The following GRB2 variants were observed in gnomAD, a reference collection of about 807,000 sequenced individuals.
The protein encoded by GRB2 is growth factor receptor bound protein 2.
A neutral mutation model predicts 27.4 loss-of-function variants in GRB2; 2 were observed. The observed-to-expected ratio is 0.07, with a 90% CI of 0.03 to 0.23. The LOEUF is 0.23. GRB2 is among the 10% of genes least tolerant of loss of function. The pLI is 1.00. For missense variants in GRB2, 102 were observed against 282.4 expected (o/e 0.36, Z 4.58); for synonymous variants, 94 against 99.6 (o/e 0.94, Z 0.33).
intron 2 of GRB2, among the ~76,000 whole-genome samples, chr17:75,382,925 G>A (rs1393857496): frequency 9.2e-5 from 14 of 152,104 alleles, no homozygotes; most frequent in Non-Finnish European, 2.1e-4. Flanking sequence ...TAGCCAGGAT[G>A]GTCTCGATCT....
rs1458570991 is a variant in GRB2, at chr17:75,319,478, GCT to G, written c.*888_*889del. On this transcript the variant is annotated 3_prime_UTR_variant, in exon 6 of 6. Transcript: ENST00000316804. ...TTTTTTTTTTTTGAGACGGAATCTC[GCT>G]CTGTCACCCAGGCTGGAGTACAATG... 2.8e-5 allele frequency: 4 copies of G among 140,788 alleles called. No homozygotes were observed. In the East Asian group the frequency reaches 6.1e-4, roughly 21 times the overall value. The allele number at this position is 140,788 out of a possible 1,614,324, so 8.7% of individuals were successfully genotyped here.
intron 2 of GRB2, among the ~76,000 whole-genome samples, chr17:75,343,046 T>C (rs2078631453): frequency 3.7e-4 from 1 of 2,696 alleles, no homozygotes; most frequent in South Asian, 8.1e-3. Flanking sequence ...AGAAACCTTG[T>C]CTCAAAAAAA....
intron 2 of GRB2, among the ~76,000 whole-genome samples, chr17:75,361,177 C>G (rs1461812846): frequency 6.6e-6 from 1 of 152,136 alleles, no homozygotes; most frequent in Non-Finnish European, 1.5e-5. Context: ...TACAGATGAA[C>G]AAACCAGAGC....
At chr17:75,328,771 T>C (rs576941958) in intron 3 of GRB2, among the ~76,000 whole-genome samples, 1 of 151,846 alleles carries the variant, frequency 6.6e-6, no homozygotes, top group South Asian at 2.1e-4. Flanking sequence ...ACCCTGTCTT[T>C]ACTAAAAATA....
At chr17:75,389,927 G>GT (rs1344192146) in intron 2 of GRB2, among the ~76,000 whole-genome samples, 1 of 152,120 alleles carries the variant, frequency 6.6e-6, no homozygotes, top group Non-Finnish European at 1.5e-5. Context: ...ATCTTGTACT[G>GT]TTTCACATAT....
rs1399570171 is a variant in GRB2, at chr17:75,322,075, G to GT, written c.300-249dup. Among the ~76,000 whole-genome samples, 10 of 152,074 alleles carry GT rather than the reference G, an allele frequency of 6.6e-5. 1 individual carries two copies. The highest frequency in any genetic ancestry group is 2.4e-4 in the African/African-American group (10 of 41,416). Reference sequence around the variant, plus strand: ...AGTCATTCTCATTCTGAAGATGTTTGTAAGATAAAGAGTCCAGGCCGGGTG... The same window carrying GT: ...AGTCATTCTCATTCTGAAGATGTTTGTTAAGATAAAGAGTCCAGGCCGGGTG... On this transcript the variant is annotated intron_variant, in intron 4 of 5. Coordinates refer to ENST00000316804, the MANE Select transcript of GRB2 (RefSeq NM_002086.5).
chr17:75,403,947 C>A lies in GRB2; in HGVS notation c.-138+1542G>T, dbSNP rs533770502. On this transcript the variant is annotated intron_variant, in intron 1 of 5. Transcript: ENST00000316804. The stretch of plus-strand genomic sequence containing the variant: ...TGGGCAACACAGTGAAACCCCATCT[C>A]TACTAAAAATACAAAATTCGCTGGA... Among the ~76,000 whole-genome samples the A allele has an allele frequency of 5.4e-4, 82 of 151,662 alleles. 1 individual carries two copies. The highest frequency in any genetic ancestry group is 1.9e-3 in the African/African-American group (79 of 41,270).
chr17:75,388,589 G>GGGGC (rs1055606198), intron 2 of GRB2, among the ~76,000 whole-genome samples: 1 of 145,196 alleles, frequency 6.9e-6, no homozygotes, highest in African/African-American at 2.5e-5. Flanking sequence ...ATAGTGGGGG[G>GGGGC]GGGGAAGAAA....
chr17:75,375,747 C>T (rs370706154), intron 2 of GRB2, among the ~76,000 whole-genome samples: 4 of 151,988 alleles, frequency 2.6e-5, no homozygotes, highest in East Asian at 1.9e-4. Context: ...GGGGACTGGC[C>T]GGGCGCAGTG....
chr17:75,402,702 T>A (rs575353491), intron 1 of GRB2, among the ~76,000 whole-genome samples: 1 of 152,334 alleles, frequency 6.6e-6, no homozygotes, highest in South Asian at 2.1e-4. Context: ...AAATAACTGC[T>A]ATACCATAAG....
intron 2 of GRB2, 33 bp from the exon 3 acceptor site, chr17:75,332,830 T>C: frequency 1.5e-6 from 2 of 1,334,388 alleles, no homozygotes. Context: ...AAAAACCCAA[T>C]CATTTCCTTT....
At chr17:75,345,448 G>A (rs962740620) in intron 2 of GRB2, among the ~76,000 whole-genome samples, 2 of 152,114 alleles carry the variant, frequency 1.3e-5, no homozygotes, top group South Asian at 2.1e-4. Context: ...CACCTCAGAG[G>A]ATGTTATTGA....
chr17:75,354,845 G>A (rs1454692736), intron 2 of GRB2, among the ~76,000 whole-genome samples: 5 of 152,344 alleles, frequency 3.3e-5, no homozygotes, highest in African/African-American at 2.4e-5. Context: ...TAGGAAGGGC[G>A]CACTGAGAAC....
rs181959081 is a variant in GRB2, at chr17:75,337,809, G to A, written c.79-5012C>T. Among the ~76,000 whole-genome samples, 1,240 of 149,846 alleles carry A rather than the reference G, an allele frequency of 8.3e-3. 23 individuals carry two copies. Among genetic ancestry groups the A allele is most frequent in the African/African-American group, 0.029 (1,178 of 40,984 alleles). On this transcript the variant is annotated intron_variant, in intron 2 of 5. Coordinates refer to ENST00000316804, the MANE Select transcript of GRB2 (RefSeq NM_002086.5). ...CGGTCTTGATCTGACCTCGTGATCC[G>A]CCTGCCTCGGCCTCCAAAAGTGCTG...
chr17:75,343,703 C>T (rs779282087), intron 2 of GRB2, among the ~76,000 whole-genome samples: 4 of 152,128 alleles, frequency 2.6e-5, no homozygotes, highest in Non-Finnish European at 5.9e-5. Flanking sequence ...AAATAAACTT[C>T]TACCAAAGGG....
At chr17:75,383,563 G>A (rs1257099965) in intron 2 of GRB2, among the ~76,000 whole-genome samples, 1 of 152,160 alleles carries the variant, frequency 6.6e-6, no homozygotes, top group East Asian at 1.9e-4. Flanking sequence ...CACCAACATA[G>A]GCTGGGCGGG....
intron 4 of GRB2, among the ~76,000 whole-genome samples, chr17:75,323,737 T>C (rs1430138393): frequency 1.3e-5 from 2 of 152,088 alleles, no homozygotes; most frequent in African/African-American, 2.4e-5. Context: ...CCTCATCTTA[T>C]AAGGTTTCAG....
At chr17:75,338,592 G>A (rs1312013966) in intron 2 of GRB2, among the ~76,000 whole-genome samples, 1 of 152,158 alleles carries the variant, frequency 6.6e-6, no homozygotes. Flanking sequence ...GTAGCCACAC[G>A]ACACTTTGGT....
At chr17:75,326,093 G>A in intron 3 of GRB2, 73 bp from the exon 4 acceptor site, 2 of 1,558,564 alleles carry the variant, frequency 1.3e-6, no homozygotes, top group Non-Finnish European at 1.8e-6. Flanking sequence ...TTCAAAATGT[G>A]AGTAACACAA....
Sources: allele counts gnomAD v4.1 joint callset (sites outside exome capture counted in the v4.1 genomes callset), GRCh38; gene constraint gnomAD v4.1.1; transcripts MANE v1.5; gene names NCBI Gene and HGNC (gene_info 2026-07-23, HGNC 2026-07-21).